VWF: variants seen among roughly 807,000 people sequenced by gnomAD.
VWF encodes von Willebrand factor.
Under a neutral mutation model 308.6 loss-of-function variants are expected in VWF, and 176 were observed. The observed-to-expected ratio is 0.57, with a 90% CI of 0.50 to 0.65. VWF has a LOEUF of 0.65. VWF is among the 30% of genes least tolerant of loss of function. VWF has a pLI of 0.00. For synonymous variants in VWF, 1,385 were observed against 1,443.4 expected, an observed-to-expected ratio of 0.96 and a Z score of 0.92; for missense variants, 3,146 against 3,648.2, an observed-to-expected ratio of 0.86 and a Z score of 3.55.
intron 42 of VWF, among the ~76,000 whole-genome samples, chr12:5,981,477 G>A (rs533375266): frequency 6.6e-6 from 1 of 152,296 alleles, no homozygotes; most frequent in East Asian, 1.9e-4. Flanking sequence ...CACATTATTT[G>A]TAACCTCAGC....
chr12:6,045,212 T>C (rs1944435582), intron 17 of VWF, among the ~76,000 whole-genome samples: 1 of 152,230 alleles, frequency 6.6e-6, no homozygotes, highest in Admixed American at 6.5e-5. Flanking sequence ...AGCAGATGAC[T>C]GATACAGCAC....
intron 16 of VWF, among the ~76,000 whole-genome samples, chr12:6,049,513 A>G (rs1038555090): frequency 6.6e-6 from 1 of 152,144 alleles, no homozygotes; most frequent in Admixed American, 6.5e-5. Context: ...TCTAGCCTCT[A>G]TCCTTACCAC....
intron 40 of VWF, among the ~76,000 whole-genome samples, chr12:5,984,018 AG>A (rs1310306721): frequency 2.1e-5 from 1 of 47,232 alleles, no homozygotes; most frequent in Non-Finnish European, 4.1e-5. Context: ...ATAGATAGAT[AG>A]ACAGACAGAC....
At chr12:5,963,601 C>T (rs1320734221) in intron 47 of VWF, among the ~76,000 whole-genome samples, 1 of 152,100 alleles carries the variant, frequency 6.6e-6, no homozygotes, top group Non-Finnish European at 1.5e-5. Flanking sequence ...CTCTTGTATC[C>T]CCAGCATCTG....
At chr12:6,044,484 T>C in intron 17 of VWF, 33 bp from the exon 18 acceptor site, 1 of 1,610,056 alleles carries the variant, frequency 6.2e-7, no homozygotes, top group African/African-American at 1.3e-5. Flanking sequence ...AGATGATTAG[T>C]GAAGGAGAGA....
intron 19 of VWF, 77 bp from the exon 20 acceptor site, chr12:6,034,903 A>C: frequency 6.3e-7 from 1 of 1,578,720 alleles, no homozygotes; most frequent in Admixed American, 1.7e-5. Flanking sequence ...GGAGGCAATG[A>C]AGGAACACAG....
At chr12:6,032,509 G>C (rs1944278510) in intron 20 of VWF, among the ~76,000 whole-genome samples, 1 of 150,320 alleles carries the variant, frequency 6.7e-6, no homozygotes. Flanking sequence ...GTGGTGGCGG[G>C]CGCCTGTAGT....
At chr12:6,111,987 T>C (rs1264746920) in intron 3 of VWF, among the ~76,000 whole-genome samples, 1 of 151,872 alleles carries the variant, frequency 6.6e-6, no homozygotes, top group Non-Finnish European at 1.5e-5. Flanking sequence ...AATAAATAAA[T>C]AAATAAAATG....
chr12:6,030,698 A>G (rs532955397), intron 21 of VWF, among the ~76,000 whole-genome samples: 16 of 152,178 alleles, frequency 1.1e-4, no homozygotes, highest in Non-Finnish European at 2.4e-4. Context: ...TTAAGTTCTT[A>G]GTACACAGGG....
rs148741727 is a variant in VWF at position 6,121,232 on chromosome 12, C to G, written c.162G>C (p.Ala54=). Residue 54 remains alanine, a synonymous_variant, in exon 3 of 52, where the codon GCG becomes GCC. Coordinates refer to ENST00000261405, the MANE Select transcript of VWF (RefSeq NM_000552.5). ...CTGCCAGGAGGTAACTGCAGTATCC[C>G]GCAAAGCTGTACATGCTCCCATCAA... The part of the protein sequence containing the change: ...NTFDGSMYSF[A]GYCSYLLAGG... 6.2e-7 allele frequency: 1 copy of G among 1,614,088 alleles called. No homozygotes were observed. The highest frequency in any genetic ancestry group is 1.3e-5 in the African/African-American group (1 of 74,922).
At chr12:6,072,497 C>T (rs1944792692) in intron 8 of VWF, 55 bp from the exon 9 acceptor site, 20 of 1,407,598 alleles carry the variant, frequency 1.4e-5, no homozygotes, top group Non-Finnish European at 2.0e-5. Flanking sequence ...CGTCACTCAT[C>T]CCACAACTAT....
chr12:6,121,130 C>T (rs768097431), intron 3 of VWF, 44 bp downstream of exon 3: 2 of 1,612,136 alleles, frequency 1.2e-6, no homozygotes, highest in African/African-American at 1.3e-5. Flanking sequence ...CTAAGCTCAG[C>T]CAGCCCTCCC....
intron 16 of VWF, among the ~76,000 whole-genome samples, chr12:6,050,429 C>T (rs147799563): frequency 6.6e-6 from 1 of 152,140 alleles, no homozygotes; most frequent in Admixed American, 6.5e-5. Flanking sequence ...AAACCCACCC[C>T]CTGAAGTTAC....
Position 6,018,511 on chromosome 12 carries a change from A to G in VWF, c.4907T>C (p.Val1636Ala). ...VPIGVGPNAN[V>A]QELERIGWPN... ...CCAGCCAATCCTCTCCAGCTCCTGC[A>G]CGTTGGCATTAGGGCCCACTCCAAT... The change falls in exon 28 of 52, where the codon GTG becomes GCG. Residue 1636 changes from valine (V) to alanine (A), a missense_variant. This residue lies in a region of VWF where 853 missense variants were observed against 1,177.8 expected (regional missense o/e 0.72). Coordinates refer to ENST00000261405, the MANE Select transcript of VWF (RefSeq NM_000552.5). 1 of 1,613,904 alleles carries G rather than the reference A, an allele frequency of 6.2e-7. No homozygotes were observed. Among genetic ancestry groups the G allele is most frequent in the Non-Finnish European group, 8.5e-7 (1 of 1,179,918 alleles).
chr12:6,034,928 C>A, intron 19 of VWF, 102 bp from the exon 20 acceptor site: 1 of 1,443,104 alleles, frequency 6.9e-7, no homozygotes, highest in Non-Finnish European at 9.5e-7. Flanking sequence ...CTCTGGGTGC[C>A]TCCCAACCCT....
rs143459496 is a variant in VWF at position 6,019,368 on chromosome 12, C to T, written c.4050G>A (p.Ala1350=). Residue 1350 remains alanine (A), a synonymous_variant, in exon 28 of 52, where the codon GCG becomes GCA. Transcript: ENST00000261405. This position sits in a 1 kb window ranked among gnomAD's most constrained non-coding sequence, Gnocchi z 5.8. ...CGCTGGTGGAGGCCACCTGGCTGCC[C>T]GCATACTTCACCTGGCTGGCAATGC... ...LRRIASQVKY[A]GSQVASTSEV... 175 of 1,613,922 alleles carry T rather than the reference C, an allele frequency of 1.1e-4. No homozygotes were observed. The African/African-American group carries it at 1.5e-3, about 14-fold the overall frequency.
intron 5 of VWF, among the ~76,000 whole-genome samples, chr12:6,101,554 ATCACGACG>A (rs1372699678): frequency 6.6e-6 from 1 of 151,010 alleles, no homozygotes; most frequent in Non-Finnish European, 1.5e-5. Context: ...AGGAGGGCAG[ATCACGACG>A]TCAGGAGATT....
chr12:6,000,171 T>C (rs748131418), intron 34 of VWF, among the ~76,000 whole-genome samples: 1 of 152,196 alleles, frequency 6.6e-6, no homozygotes, highest in Non-Finnish European at 1.5e-5. Context: ...ATGGGAGTCA[T>C]GTGCCAGATG....
rs1448624351 is a variant in VWF, at chr12:6,036,404, T to A, written c.2530A>T (p.Ile844Phe). 1.2e-6 allele frequency: 2 copies of A among 1,614,192 alleles called. No individual in the cohort carries two copies. Among genetic ancestry groups the A allele is most frequent in the East Asian group, 2.2e-5 (1 of 44,884 alleles). Residue 844 changes from isoleucine to phenylalanine, a missense_variant, in exon 19 of 52, where the codon ATT (isoleucine) becomes TTT (phenylalanine). By Grantham distance (21) the Ile-to-Phe change is conservative (BLOSUM62 0). Around this residue, in one of 3 missense-constraint regions of VWF, gnomAD observed 1,304 missense variants for 1,353.0 expected, o/e 0.96. Transcript: ENST00000261405. The part of the protein sequence containing the change: ...KEYAPGETVK[I>F]GCNTCVCQDR... Reference sequence around the variant, plus strand: ...GAGCCTCACCAAGTGTTGCAGCCAATCTTCACTGTTTCTCCAGGGGCATAC... The same window carrying A: ...GAGCCTCACCAAGTGTTGCAGCCAAACTTCACTGTTTCTCCAGGGGCATAC...
Sources: allele counts gnomAD v4.1 joint callset (sites outside exome capture counted in the v4.1 genomes callset), GRCh38; gene constraint gnomAD v4.1.1; regional missense constraint gnomAD v4.1.1; non-coding constraint Gnocchi (gnomAD v3.1); transcripts MANE v1.5; gene names NCBI Gene and HGNC (gene_info 2026-07-23, HGNC 2026-07-21).